The following IAH1 variants were observed in gnomAD, a reference collection of about 807,000 sequenced individuals.
The protein encoded by IAH1 is isoamyl acetate hydrolyzing esterase 1 (putative).
Under a neutral mutation model 26.7 loss-of-function variants are expected in IAH1, and 24 were observed. The observed-to-expected ratio is 0.90, with a 90% CI of 0.65 to 1.26. The LOEUF (loss-of-function observed/expected upper bound fraction) is 1.26, where lower values mean the gene tolerates loss of function less well. Ranked by LOEUF, IAH1 falls within the 50% of genes most tolerant of loss-of-function variation. The pLI is 0.00. For missense variants in IAH1, 300 were observed against 299.9 expected (o/e 1.00, Z 0.00); for synonymous variants, 140 against 118.5 (o/e 1.18, Z -1.18).
the IAH1 span, among the ~76,000 whole-genome samples, chr2:9,506,413 C>T: frequency 2.3e-5 from 3 of 131,106 alleles, no homozygotes; most frequent in Non-Finnish European, 4.6e-5. Context: ...TGTCACCAGG[C>T]TGGACTACAG....
chr2:9,489,725 CAAA>C (rs548548539), exon 6 of IAH1: 4,771 of 78,226 alleles, frequency 0.061, 45 homozygotes, highest in Non-Finnish European at 0.069. Context: ...TAGTTGAAGG[CAAA>C]AAAAAAAAAA....
At chr2:9,491,493 G>A (rs549925645), downstream of IAH1, among the ~76,000 whole-genome samples, 12 of 152,312 alleles carry the variant, frequency 7.9e-5, no homozygotes, top group South Asian at 8.3e-4. Flanking sequence ...CCCAGATGCT[G>A]GGTACACCAG....
chr2:9,488,280 TAGC>T lies in IAH1; in HGVS notation c.701_703del (p.Ala234del), dbSNP rs750857495. 6.2e-7 allele frequency: 1 copy of T among 1,613,056 alleles called. No individual in the cohort carries two copies. Among genetic ancestry groups the T allele is most frequent in the Non-Finnish European group, 8.5e-7 (1 of 1,179,814 alleles). On this transcript the variant is annotated inframe_deletion, in exon 6 of 6. Coordinates refer to ENST00000497473, the MANE Select transcript of IAH1 (RefSeq NM_001039613.3). The stretch of plus-strand genomic sequence containing the variant: ...TTGCTGCTTCCTTACTGGCGGGATG[TAGC>T]AGAAGCAAAACCTGAATTAAGTCTG...
At chr2:9,509,671 A>G in the IAH1 span, among the ~76,000 whole-genome samples, 1 of 152,224 alleles carries the variant, frequency 6.6e-6, no homozygotes, top group Non-Finnish European at 1.5e-5. Flanking sequence ...AATTTTTAAC[A>G]TAAAGCCTGA....
upstream of IAH1, chr2:9,474,549 G>A: frequency 4.1e-6 from 4 of 968,024 alleles, no homozygotes; most frequent in South Asian, 1.5e-5. This position sits in a 1 kb window ranked among gnomAD's most constrained non-coding sequence, Gnocchi z 4.3. Context: ...GCCCCGCCCC[G>A]CCCCGCCCGG....
At position 9,488,669 on chromosome 2, in the gene IAH1, A is replaced by G. The variant is rs1661793610; in HGVS notation, c.*340A>G. 1.2e-5 allele frequency: 2 copies of G among 171,850 alleles called. No homozygotes were observed. Among genetic ancestry groups the G allele is most frequent in the Non-Finnish European group, 2.5e-5 (2 of 81,616 alleles). 10.6% of individuals were successfully genotyped at this position (171,850 alleles called of 1,614,324 possible). A position where few individuals can be genotyped will look rare whatever the true frequency, so the allele number is the denominator to read the frequency against. On this transcript the variant is annotated 3_prime_UTR_variant, in exon 6 of 6. Coordinates refer to ENST00000497473, the MANE Select transcript of IAH1 (RefSeq NM_001039613.3). ...ACTCATACATACACCCACACACCCC[A>G]CTCAACCTTGTATCAAATTCCAAAA...
Position 9,474,935 on chromosome 2 carries a change from A to T in IAH1, c.81+288A>T. Reference sequence around the variant, plus strand: ...CCCGCGCCGCCTCCCACCCGGGTCGAGATGCGCGGTCTTCCCCTCAGCGCC... The same window carrying T: ...CCCGCGCCGCCTCCCACCCGGGTCGTGATGCGCGGTCTTCCCCTCAGCGCC... On this transcript the variant is annotated intron_variant, in intron 1 of 5. Transcript: ENST00000497473. The surrounding 1 kb of genome is among the most constrained non-coding windows in gnomAD (Gnocchi z 4.3). The T allele has an allele frequency of 1.2e-6, 1 of 864,666 alleles. No individual in the cohort carries two copies. Among genetic ancestry groups the T allele is most frequent in the Non-Finnish European group, 1.5e-6 (1 of 689,558 alleles). The allele number at this position is 864,666 out of a possible 1,614,324, so 53.6% of individuals were successfully genotyped here.
chr2:9,502,467 C>A, the IAH1 span, among the ~76,000 whole-genome samples: 30 of 152,138 alleles, frequency 2.0e-4, no homozygotes, highest in African/African-American at 7.2e-4. Flanking sequence ...TCCTAATGTG[C>A]GTGAGGTCAC....
chr2:9,474,626 C>A lies in IAH1; in HGVS notation c.60C>A (p.Leu20=). The A allele has an allele frequency of 1.3e-6, 2 of 1,554,346 alleles. No individual in the cohort carries two copies. The highest frequency in any genetic ancestry group is 1.2e-5 in the South Asian group (1 of 85,526). The part of the protein sequence containing the change: ...GSALLWPRLL[L]FGDSITQFSF... ...CCCTGCTCTGGCCTCGCTTGTTGCT[C>A]TTCGGGGACTCCATCACCCAGGTAC... The change falls in exon 1 of 6, where the codon CTC becomes CTA. Residue 20 remains leucine (L), a synonymous_variant. Coordinates refer to ENST00000497473, the MANE Select transcript of IAH1 (RefSeq NM_001039613.3). The surrounding 1 kb of genome is among the most constrained non-coding windows in gnomAD (Gnocchi z 4.3).
downstream of IAH1, among the ~76,000 whole-genome samples, chr2:9,498,905 T>A (rs1210260987): frequency 5.3e-5 from 8 of 152,268 alleles, no homozygotes; most frequent in Admixed American, 4.6e-4. Flanking sequence ...GAAAATGGTA[T>A]CATCTATCTA....
At chr2:9,493,031 C>G, downstream of IAH1, 1 of 1,486,040 alleles carries the variant, frequency 6.7e-7, no homozygotes, top group Non-Finnish European at 9.2e-7. Context: ...AAGTACTTCA[C>G]AAATCTAAAG....
intron 3 of IAH1, among the ~76,000 whole-genome samples, chr2:9,479,240 T>TA (rs1558476904): frequency 6.6e-6 from 1 of 152,148 alleles, no homozygotes; most frequent in East Asian, 1.9e-4. Context: ...CAGAATTTTT[T>TA]AAAAAGATAA....
downstream of IAH1, chr2:9,491,290 G>A (rs1175535417): frequency 2.3e-5 from 16 of 688,908 alleles, no homozygotes; most frequent in Non-Finnish European, 3.8e-5. Context: ...CTCAACAGAT[G>A]ACAATCCATT....
intron 3 of IAH1, 64 bp downstream of exon 3, chr2:9,478,434 C>T: frequency 7.0e-7 from 1 of 1,429,110 alleles, no homozygotes; most frequent in South Asian, 1.4e-5. Flanking sequence ...AGCAAACTTG[C>T]ATTTAATATA....
chr2:9,480,598 G>C (rs1289245098), intron 3 of IAH1, among the ~76,000 whole-genome samples: 1 of 152,176 alleles, frequency 6.6e-6, no homozygotes, highest in Non-Finnish European at 1.5e-5. Context: ...TTCATGAAAA[G>C]ACCGGAAAGA....
rs761914721 is a variant in IAH1, at chr2:9,474,897, C to T, written c.81+250C>T. The T allele has an allele frequency of 8.4e-6, 5 of 598,086 alleles. No homozygotes were observed. Among genetic ancestry groups the T allele is most frequent in the Non-Finnish European group, 1.2e-5 (5 of 431,576 alleles). 37.0% of individuals were successfully genotyped at this position (598,086 alleles called of 1,614,324 possible). A position where few individuals can be genotyped will look rare whatever the true frequency, so the allele number is the denominator to read the frequency against. ...CAGGCACAGACGCGAGGGGACCCGG[C>T]CGCGCTGCCCGCCCCGCGCCGCCTC... is the stretch of plus-strand genomic sequence containing the variant. On this transcript the variant is annotated intron_variant, in intron 1 of 5. Transcript: ENST00000497473. This position sits in a 1 kb window ranked among gnomAD's most constrained non-coding sequence, Gnocchi z 4.3.
rs1661733850 is a variant in IAH1, at chr2:9,488,161, T to C, written c.579T>C (p.Tyr193=). 6.2e-7 allele frequency: 1 copy of C among 1,606,576 alleles called. No homozygotes were observed. The highest frequency in any genetic ancestry group is 8.5e-7 in the Non-Finnish European group (1 of 1,177,598). The part of the protein sequence containing the change: ...LMQDSQDFSS[Y]LSDGLHLSPK... Reference sequence around the variant, plus strand: ...CTCCCTTCTAGGACTTCTCATCTTATTTATCAGATGGACTACATTTGTCTC... The same window carrying C: ...CTCCCTTCTAGGACTTCTCATCTTACTTATCAGATGGACTACATTTGTCTC... The change falls in exon 6 of 6, where the codon TAT becomes TAC. Residue 193 remains tyrosine, a synonymous_variant. Coordinates refer to ENST00000497473, the MANE Select transcript of IAH1 (RefSeq NM_001039613.3).
chr2:9,476,727 A>T (rs1159384230), intron 2 of IAH1, among the ~76,000 whole-genome samples: 8 of 152,130 alleles, frequency 5.3e-5, no homozygotes, highest in Admixed American at 5.2e-4. Context: ...CCAGGGGAGG[A>T]ATGCCACAAG....
downstream of IAH1, chr2:9,490,363 C>CTGGATGGTGTCCATTCTCTG: frequency 6.2e-7 from 1 of 1,614,142 alleles, no homozygotes; most frequent in Non-Finnish European, 8.5e-7. Context: ...TGGGGTCTTC[C>CTGGATGGTGTCCATTCTCTG]TGGATGGTGT....
Sources: allele counts gnomAD v4.1 joint callset (sites outside exome capture counted in the v4.1 genomes callset), GRCh38; gene constraint gnomAD v4.1.1; non-coding constraint Gnocchi (gnomAD v3.1); transcripts MANE v1.5; gene names NCBI Gene and HGNC (gene_info 2026-07-23, HGNC 2026-07-21).